Variants in AMBRA1 observed in about 807,000 individuals in gnomAD.
AMBRA1 encodes the protein activating molecule in BECN1-regulated autophagy protein 1.
Under a neutral mutation model 125.4 loss-of-function variants are expected in AMBRA1, and 47 were observed. The observed-to-expected ratio is 0.37, with a 90% CI of 0.30 to 0.48. The LOEUF is 0.48. Ranked by LOEUF, AMBRA1 falls within the 20% of genes least tolerant of loss-of-function variation. The probability of loss-of-function intolerance (pLI) is 0.99; values close to 1 mark genes in which losing one functional copy is unlikely to be tolerated. For synonymous variants in AMBRA1, 626 were observed against 655.5 expected, an observed-to-expected ratio of 0.95 and a Z score of 0.69; for missense variants, 1,331 against 1,693.4, an observed-to-expected ratio of 0.79 and a Z score of 3.76.
chr11:46,406,010 G>A (rs923924490), intron 17 of AMBRA1, among the ~76,000 whole-genome samples: 21 of 151,520 alleles, frequency 1.4e-4, no homozygotes, highest in African/African-American at 4.8e-4. Flanking sequence ...TGGGACTACA[G>A]GTGTGAGCTA....
chr11:46,586,313 G>T lies in AMBRA1; in HGVS notation c.-121+7515C>A, dbSNP rs545941424. ...AATCCCAGCTACTCGGGAGGCTGAGGCACAAGAATCGCTTGAACCCAGGAG... is the reference window on the plus strand; with the variant it reads ...AATCCCAGCTACTCGGGAGGCTGAGTCACAAGAATCGCTTGAACCCAGGAG... On this transcript the variant is annotated intron_variant, in intron 1 of 17. Transcript: ENST00000683756. Among the ~76,000 whole-genome samples, 44 of 152,272 alleles carry T rather than the reference G, an allele frequency of 2.9e-4. No homozygotes were observed. The South Asian group carries it at 9.1e-3, about 32-fold the overall frequency.
chr11:46,584,314 A>T (rs1252065845), intron 1 of AMBRA1, among the ~76,000 whole-genome samples: 4 of 141,846 alleles, frequency 2.8e-5, no homozygotes, highest in African/African-American at 5.3e-5. Context: ...ATAGGTGGGA[A>T]TTGAGCAATG....
intron 11 of AMBRA1, among the ~76,000 whole-genome samples, chr11:46,484,686 G>T (rs527604770): frequency 1.3e-5 from 2 of 148,950 alleles, no homozygotes; most frequent in African/African-American, 5.0e-5. Flanking sequence ...TCACTCTGTC[G>T]CCCAGGCTGG....
At chr11:46,566,366 C>T (rs1220528721) in intron 1 of AMBRA1, among the ~76,000 whole-genome samples, 8 of 151,070 alleles carry the variant, frequency 5.3e-5, no homozygotes, top group African/African-American at 1.7e-4. Flanking sequence ...TGCAGTGAGC[C>T]GAGATTGAGC....
rs1470128985 is a variant in AMBRA1 at position 46,508,378 on chromosome 11, A to G, written c.2160-8T>C. ...TATGCAGCAGGAGATAATCTGAGAG[A>G]GACAGAGATGGACAAACACAAACTA... is the stretch of plus-strand genomic sequence containing the variant. On this transcript the variant is annotated splice_polypyrimidine_tract_variant and splice_region_variant and intron_variant, in intron 8 of 17. Transcript: ENST00000683756. The G allele has an allele frequency of 6.2e-7, 1 of 1,612,460 alleles. No individual in the cohort carries two copies. Among genetic ancestry groups the G allele is most frequent in the East Asian group, 2.2e-5 (1 of 44,852 alleles).
chr11:46,399,918 T>C (rs1325270300), intron 17 of AMBRA1, among the ~76,000 whole-genome samples: 1 of 124,448 alleles, frequency 8.0e-6, no homozygotes, highest in East Asian at 1.9e-4. Context: ...AGACTTCGGC[T>C]CAAATCTCAG....
intron 11 of AMBRA1, among the ~76,000 whole-genome samples, chr11:46,451,064 G>C (rs1345041849): frequency 2.6e-5 from 4 of 152,144 alleles, no homozygotes; most frequent in Non-Finnish European, 4.4e-5. Context: ...GGAGACAGTG[G>C]GAACAGCAGC....
chr11:46,418,270 A>AAATATATATAAT (rs1946649479), intron 14 of AMBRA1, among the ~76,000 whole-genome samples: 3 of 142,710 alleles, frequency 2.1e-5, no homozygotes, highest in South Asian at 2.1e-4. Context: ...ATTTATATAT[A>AAATATATATAAT]ATATGTTTTA....
At chr11:46,457,043 T>G (rs1308243234) in intron 11 of AMBRA1, among the ~76,000 whole-genome samples, 1 of 152,264 alleles carries the variant, frequency 6.6e-6, no homozygotes, top group African/African-American at 2.4e-5. Context: ...TACATTCACA[T>G]TAGGGGGCCC....
intron 11 of AMBRA1, among the ~76,000 whole-genome samples, chr11:46,478,513 G>A (rs1200745327): frequency 6.6e-6 from 1 of 152,068 alleles, no homozygotes; most frequent in Admixed American, 6.6e-5. Flanking sequence ...AAAGAGAAAA[G>A]GTAGTTTCCC....
At chr11:46,475,308 C>T (rs966120657) in intron 11 of AMBRA1, among the ~76,000 whole-genome samples, 10 of 152,148 alleles carry the variant, frequency 6.6e-5, no homozygotes, top group African/African-American at 1.9e-4. Flanking sequence ...CATTTGCTAA[C>T]GTTCAACGTT....
intron 9 of AMBRA1, among the ~76,000 whole-genome samples, chr11:46,500,377 T>C (rs1028437827): frequency 2.0e-5 from 3 of 152,138 alleles, no homozygotes; most frequent in Non-Finnish European, 2.9e-5. Flanking sequence ...TTAGAAAACA[T>C]CAAGCCCTCA....
intron 8 of AMBRA1, among the ~76,000 whole-genome samples, chr11:46,511,366 A>G (rs148801791): frequency 5.9e-5 from 9 of 152,294 alleles, no homozygotes; most frequent in Admixed American, 5.2e-4. Flanking sequence ...CTGATCCTTA[A>G]GTTTGTCATT....
chr11:46,483,987 T>C (rs923490232), intron 11 of AMBRA1, among the ~76,000 whole-genome samples: 7 of 152,194 alleles, frequency 4.6e-5, no homozygotes, highest in African/African-American at 1.2e-4. Context: ...TAAAAACTAC[T>C]GAAGTAGATG....
Position 46,397,402 on chromosome 11 carries a change from G to C in AMBRA1, c.*48C>G. On this transcript the variant is annotated 3_prime_UTR_variant, in exon 18 of 18. Transcript: ENST00000683756. The stretch of plus-strand genomic sequence containing the variant: ...CAGTTCCCAGTCAGCTGTGAGGTCC[G>C]GTTTCTGCTTGGCGGTTCGAGGGGA... 6.9e-7 allele frequency: 1 copy of C among 1,457,656 alleles called. No individual in the cohort carries two copies. The highest frequency in any genetic ancestry group is 9.1e-7 in the Non-Finnish European group (1 of 1,103,574). The allele number at this position is 1,457,656 out of a possible 1,614,324, so 90.3% of individuals were successfully genotyped here.
chr11:46,560,615 A>G (rs1166441532), intron 1 of AMBRA1, among the ~76,000 whole-genome samples: 1 of 152,242 alleles, frequency 6.6e-6, no homozygotes, highest in Non-Finnish European at 1.5e-5. Flanking sequence ...TCTGCAAATT[A>G]TTCTGGAGAA....
intron 11 of AMBRA1, among the ~76,000 whole-genome samples, chr11:46,467,695 G>A (rs540522269): frequency 2.0e-4 from 30 of 151,768 alleles, no homozygotes; most frequent in African/African-American, 3.9e-4. Context: ...CACCATACCC[G>A]GCTAATTTTT....
chr11:46,579,045 T>TAAAAAAAA (rs11393945), intron 1 of AMBRA1, among the ~76,000 whole-genome samples: 14 of 68,022 alleles, frequency 2.1e-4, no homozygotes, highest in African/African-American at 4.8e-4. Context: ...AAGAAAGCAA[T>TAAAAAAAA]AAAAAAAAAA....
Position 46,542,392 on chromosome 11 carries a change from C to A in AMBRA1, c.1625G>T (p.Arg542Met). ...GGTGGGCTGGTGGGAAGGGCCTGGCCTCTCAGATTCAATGTTATTGTTGAG... is the reference window on the plus strand; with the variant it reads ...GGTGGGCTGGTGGGAAGGGCCTGGCATCTCAGATTCAATGTTATTGTTGAG... ...EMLNNNIESE[R>M]PGPSHQPTPH... Residue 542 changes from arginine to methionine, a missense_variant, in exon 7 of 18, where the codon AGG becomes ATG. Arg to Met is a moderately conservative substitution (Grantham distance 91). Around this residue, in one of 4 missense-constraint regions of AMBRA1, gnomAD observed 689 missense variants for 776.5 expected, o/e 0.89. Coordinates refer to ENST00000683756, the MANE Select transcript of AMBRA1 (RefSeq NM_001387011.1). This position sits in a 1 kb window ranked among gnomAD's most constrained non-coding sequence, Gnocchi z 5.9. The A allele has an allele frequency of 6.2e-7, 1 of 1,614,102 alleles. No homozygotes were observed. Among genetic ancestry groups the A allele is most frequent in the South Asian group, 1.1e-5 (1 of 91,078 alleles).
Sources: allele counts gnomAD v4.1 joint callset (sites outside exome capture counted in the v4.1 genomes callset), GRCh38; gene constraint gnomAD v4.1.1; regional missense constraint gnomAD v4.1.1; non-coding constraint Gnocchi (gnomAD v3.1); transcripts MANE v1.5; gene names NCBI Gene and HGNC (gene_info 2026-07-23, HGNC 2026-07-21).